INTS6: variants seen among roughly 807,000 people sequenced by gnomAD.
INTS6 encodes the protein DEAD box protein.
A neutral mutation model predicts 104.9 loss-of-function variants in INTS6; 16 were observed. The observed-to-expected ratio is 0.15, with a 90% CI of 0.10 to 0.23. The LOEUF (loss-of-function observed/expected upper bound fraction) is 0.23. Among genes scored for constraint, INTS6 ranks in the 10% least tolerant of loss-of-function variants. The pLI is 1.00. For missense variants in INTS6, 584 were observed against 1,062.8 expected (o/e 0.55, Z 6.26); for synonymous variants, 324 against 358.7 (o/e 0.90, Z 1.09).
chr13:51,348,348 C>G, the INTS6 span: 3 of 1,613,968 alleles, frequency 1.9e-6, no homozygotes, highest in Non-Finnish European at 2.5e-6. Flanking sequence ...CACCTCACAG[C>G]CAGCACCATC....
chr13:51,444,676 G>C (rs1274252627), intron 3 of INTS6: 1 of 151,602 alleles, frequency 6.6e-6, no homozygotes, highest in Non-Finnish European at 1.5e-5. Flanking sequence ...TTGAACCCGG[G>C]AGGCAGAGGT....
At chr13:51,396,937 G>A (rs765430159) in intron 4 of INTS6, among the ~76,000 whole-genome samples, 39 of 152,120 alleles carry the variant, frequency 2.6e-4, no homozygotes, top group Non-Finnish European at 3.8e-4. Flanking sequence ...TGTGATAATG[G>A]TATTTAAGTA....
At chr13:51,404,006 T>C (rs534362806) in intron 4 of INTS6, among the ~76,000 whole-genome samples, 2 of 150,768 alleles carry the variant, frequency 1.3e-5, no homozygotes, top group East Asian at 1.9e-4. Flanking sequence ...CAGGATTGCA[T>C]GAGGCCAGGA....
intron 3 of INTS6, chr13:51,446,221 C>CA (rs1952913496): frequency 6.6e-6 from 1 of 152,036 alleles, no homozygotes; most frequent in Admixed American, 6.5e-5. Context: ...AGCTCAACAA[C>CA]AAAAAACAAT....
intron 15 of INTS6, among the ~76,000 whole-genome samples, chr13:51,373,050 T>C (rs1006544016): frequency 1.3e-5 from 2 of 151,908 alleles, no homozygotes; most frequent in African/African-American, 2.4e-5. Flanking sequence ...CTGGAAAAAA[T>C]ATTTTTTTTC....
At chr13:51,391,588 A>G (rs544520143) in intron 5 of INTS6, among the ~76,000 whole-genome samples, 1 of 152,296 alleles carries the variant, frequency 6.6e-6, no homozygotes, top group Admixed American at 6.5e-5. Context: ...TAATGCATAA[A>G]GTTTCTAGGA....
At chr13:51,341,096 C>A in the INTS6 span, 1 of 1,613,692 alleles carries the variant, frequency 6.2e-7, no homozygotes, top group East Asian at 2.2e-5. Flanking sequence ...GCCTCCATGC[C>A]GCCTTTCCTG....
intron 3 of INTS6, chr13:51,447,233 C>G (rs1258896184): frequency 6.6e-6 from 1 of 151,984 alleles, no homozygotes; most frequent in Non-Finnish European, 1.5e-5. Context: ...CTAAGAGAAA[C>G]CAAGCACCCA....
intron 15 of INTS6, among the ~76,000 whole-genome samples, chr13:51,372,230 C>T (rs1421217658): frequency 6.6e-6 from 1 of 152,100 alleles, no homozygotes; most frequent in African/African-American, 2.4e-5. Context: ...AGGCTCTGCC[C>T]CTTTACTCCA....
chr13:51,340,019 GAGA>G, the INTS6 span, among the ~76,000 whole-genome samples: 5 of 152,208 alleles, frequency 3.3e-5, no homozygotes, highest in Non-Finnish European at 7.3e-5. Context: ...TTGGAAAAAA[GAGA>G]AGATGTTTTC....
Position 51,369,083 on chromosome 13 carries a change from T to C in INTS6, c.2332A>G (p.Arg778Gly). The change falls in exon 16 of 18, where the codon AGA becomes GGA. Residue 778 changes from arginine to glycine, a missense_variant. By Grantham distance (125) the Arg-to-Gly change is moderately radical (BLOSUM62 -2). Coordinates refer to ENST00000311234, the MANE Select transcript of INTS6 (RefSeq NM_012141.3). ...GGFLENHEEP[R>G]DKEQCAEENI... ...TCTTCAGCACATTGTTCTTTATCTC[T>C]TGGCTCCTCATGATTTTCTAAAAAT... is the stretch of plus-strand genomic sequence containing the variant. The C allele has an allele frequency of 6.2e-7, 1 of 1,613,906 alleles. No individual in the cohort carries two copies. The highest frequency in any genetic ancestry group is 8.5e-7 in the Non-Finnish European group (1 of 1,179,834).
Position 51,395,771 on chromosome 13 carries a change from A to G in INTS6, c.430-288T>C, listed in dbSNP as rs12100115. On this transcript the variant is annotated intron_variant, in intron 4 of 17. Coordinates refer to ENST00000311234, the MANE Select transcript of INTS6 (RefSeq NM_012141.3). ...GGTGCTGAATTGCTTCCAAATAAATAATTTCATTTAATCATTAAAACAACC... is the reference window on the plus strand; with the variant it reads ...GGTGCTGAATTGCTTCCAAATAAATGATTTCATTTAATCATTAAAACAACC... 8.8e-3 allele frequency among the ~76,000 whole-genome samples: 1,339 copies of G among 152,324 alleles called. 20 individuals are homozygous for G. The highest frequency in any genetic ancestry group is 0.03 in the African/African-American group (1,239 of 41,572).
intron 4 of INTS6, among the ~76,000 whole-genome samples, chr13:51,396,611 A>T (rs1956342827): frequency 6.6e-6 from 1 of 151,762 alleles, no homozygotes; most frequent in Admixed American, 6.6e-5. Context: ...GATTCTTACC[A>T]AAAAAAAGAG....
At chr13:51,343,784 A>G in the INTS6 span, among the ~76,000 whole-genome samples, 1 of 152,206 alleles carries the variant, frequency 6.6e-6, no homozygotes, top group African/African-American at 2.4e-5. Context: ...CGTACAAGAC[A>G]TATTGACAGC....
At chr13:51,450,026 T>C (rs1187583208) in intron 3 of INTS6, 1 of 985,126 alleles carries the variant, frequency 1.0e-6, no homozygotes. Context: ...AACAAGTCAA[T>C]TTCCTTCAAT....
rs202130249 is a variant in INTS6, at chr13:51,369,327, G to A, written c.2105-17C>T. 5.4e-5 allele frequency: 85 copies of A among 1,579,530 alleles called. No individual in the cohort carries two copies. The African/African-American group carries it at 8.7e-4, about 16-fold the overall frequency. ...TTTCTGAAACTAAAAACAAAGATAC[G>A]GGGAAAAAATTATGGGATCCAGTCT... is the stretch of plus-strand genomic sequence containing the variant. On this transcript the variant is annotated splice_polypyrimidine_tract_variant and intron_variant, in intron 15 of 17. Transcript: ENST00000311234.
In INTS6 at chr13:51,452,282, G is replaced by T; in HGVS notation, c.111+133C>A. ...CGCAGCGCCCGCCCGCCCGCGCGGT[G>T]GGGGAGGGGGTCCCCGAGCCCGGCA... On this transcript the variant is annotated intron_variant, in intron 1 of 17. Transcript: ENST00000311234. This position sits in a 1 kb window ranked among gnomAD's most constrained non-coding sequence, Gnocchi z 4.2. The T allele has an allele frequency of 1.0e-6, 1 of 974,894 alleles. No homozygotes were observed. Among genetic ancestry groups the T allele is most frequent in the Non-Finnish European group, 1.3e-6 (1 of 773,382 alleles). 60.4% of individuals were successfully genotyped at this position (974,894 alleles called of 1,614,324 possible).
intron 3 of INTS6, among the ~76,000 whole-genome samples, chr13:51,433,202 G>C (rs940831364): frequency 1.3e-5 from 2 of 152,146 alleles, no homozygotes; most frequent in Non-Finnish European, 2.9e-5. Context: ...CCAGCACTCT[G>C]GGAGGCCAAG....
chr13:51,382,470 TA>T (rs1241628924), intron 9 of INTS6, among the ~76,000 whole-genome samples: 59 of 152,238 alleles, frequency 3.9e-4, no homozygotes, highest in Non-Finnish European at 1.2e-4. Context: ...CTATAACTTT[TA>T]AATTTAATGT....
Sources: gnomAD v4.1 joint callset for allele counts (sites outside exome capture counted in the v4.1 genomes callset) on GRCh38, gnomAD v4.1.1 for gene constraint, Gnocchi (gnomAD v3.1) non-coding constraint, MANE v1.5 for transcripts, NCBI Gene and HGNC (gene_info 2026-07-23, HGNC 2026-07-21) for gene names.